ROBO1: variants seen among roughly 807,000 people sequenced by gnomAD.
ROBO1 encodes the protein roundabout guidance receptor 1.
Under a neutral mutation model 195.9 loss-of-function variants are expected in ROBO1, and 149 were observed. The observed-to-expected ratio is 0.76, with a 90% CI of 0.67 to 0.87. ROBO1 has a LOEUF of 0.87. ROBO1 is among the 40% of genes least tolerant of loss of function. The pLI, the probability that ROBO1 is intolerant of heterozygous loss-of-function variation, is 0.00. For synonymous variants in ROBO1, 816 were observed against 733.2 expected (o/e 1.11, Z -1.82); for missense variants, 1,933 against 2,068.3 (o/e 0.93, Z 1.27).
At chr3:79,421,389 AAAAG>A (rs1363970733) in intron 2 of ROBO1, among the ~76,000 whole-genome samples, 2 of 152,094 alleles carry the variant, frequency 1.3e-5, no homozygotes, top group African/African-American at 4.8e-5. Flanking sequence ...TTAAAAAAAA[AAAAG>A]AGAGACCTTA....
intron 2 of ROBO1, among the ~76,000 whole-genome samples, chr3:79,412,504 A>G (rs1051350306): frequency 1.3e-5 from 2 of 152,156 alleles, no homozygotes; most frequent in African/African-American, 4.8e-5. Context: ...ACTTCATTTC[A>G]AACAGAGGTG....
At chr3:79,460,550 C>G (rs903068748) in intron 2 of ROBO1, among the ~76,000 whole-genome samples, 1 of 152,056 alleles carries the variant, frequency 6.6e-6, no homozygotes, top group African/African-American at 2.4e-5. Flanking sequence ...ATTTATAGAT[C>G]TGAGAGAGAA....
chr3:79,383,383 CAAAAT>C (rs1170636209), intron 2 of ROBO1, among the ~76,000 whole-genome samples: 1 of 151,682 alleles, frequency 6.6e-6, no homozygotes, highest in Non-Finnish European at 1.5e-5. Flanking sequence ...TTAAAACTGT[CAAAAT>C]AAATTGTTTG....
chr3:79,389,762 G>T (rs995705548), intron 2 of ROBO1, among the ~76,000 whole-genome samples: 4 of 152,086 alleles, frequency 2.6e-5, no homozygotes, highest in Non-Finnish European at 5.9e-5. Context: ...TATGTAACTA[G>T]TTTGTTGGAA....
At chr3:78,822,171 A>T (rs1409244891) in intron 4 of ROBO1, among the ~76,000 whole-genome samples, 1 of 152,024 alleles carries the variant, frequency 6.6e-6, no homozygotes, top group East Asian at 1.9e-4. Context: ...ATTCACAGGA[A>T]CCTATATGCA....
intron 2 of ROBO1, among the ~76,000 whole-genome samples, chr3:79,188,177 T>C (rs2081474753): frequency 6.6e-6 from 1 of 151,928 alleles, no homozygotes; most frequent in African/African-American, 2.4e-5. Context: ...GAAATTGTGT[T>C]TGGCTTCGTA....
At chr3:79,209,031 G>T (rs942485803) in intron 2 of ROBO1, among the ~76,000 whole-genome samples, 1 of 151,576 alleles carries the variant, frequency 6.6e-6, no homozygotes, top group Non-Finnish European at 1.5e-5. Context: ...CAATAGTTTT[G>T]GGGGGAACAG....
At chr3:78,909,234 T>A (rs1354850108) in intron 4 of ROBO1, among the ~76,000 whole-genome samples, 1 of 151,816 alleles carries the variant, frequency 6.6e-6, no homozygotes, top group Non-Finnish European at 1.5e-5. Flanking sequence ...TCAAAGATAT[T>A]CTTCTTTAAA....
At chr3:78,771,431 G>T (rs2083372935) in intron 4 of ROBO1, among the ~76,000 whole-genome samples, 1 of 152,192 alleles carries the variant, frequency 6.6e-6, no homozygotes, top group South Asian at 2.1e-4. Flanking sequence ...GTTCTGTGAA[G>T]AATGACATTG....
intron 2 of ROBO1, among the ~76,000 whole-genome samples, chr3:79,583,647 T>C (rs1943727694): frequency 6.6e-6 from 1 of 151,988 alleles, no homozygotes; most frequent in Admixed American, 6.6e-5. Context: ...TTAAACAAAA[T>C]GTAGCATAAA....
intron 5 of ROBO1, among the ~76,000 whole-genome samples, chr3:78,733,449 A>C (rs774524435): frequency 9.9e-5 from 15 of 152,118 alleles, no homozygotes; most frequent in African/African-American, 1.4e-4. Context: ...ACAGAAAGAA[A>C]AAAATGCCGT....
At chr3:79,613,783 C>A (rs1944737880) in intron 1 of ROBO1, among the ~76,000 whole-genome samples, 1 of 151,886 alleles carries the variant, frequency 6.6e-6, no homozygotes. Flanking sequence ...GTGAAACACA[C>A]AATAAATATA....
At chr3:79,664,910 G>C (rs1033733659) in intron 1 of ROBO1, among the ~76,000 whole-genome samples, 2 of 151,924 alleles carry the variant, frequency 1.3e-5, no homozygotes, top group Non-Finnish European at 2.9e-5. Flanking sequence ...CCTGGGCGGA[G>C]AATATTAGAT....
chr3:79,204,336 T>C (rs1482151814), intron 2 of ROBO1, among the ~76,000 whole-genome samples: 1 of 152,132 alleles, frequency 6.6e-6, no homozygotes, highest in Non-Finnish European at 1.5e-5. Flanking sequence ...ACTGTACAGA[T>C]AAAAGTATGC....
intron 2 of ROBO1, among the ~76,000 whole-genome samples, chr3:79,325,189 C>A (rs191846625): frequency 6.6e-6 from 1 of 152,248 alleles, no homozygotes; most frequent in Admixed American, 6.5e-5. Flanking sequence ...CTTGAATGTG[C>A]AAATTTGGGC....
At chr3:78,855,106 C>T (rs1339030120) in intron 4 of ROBO1, among the ~76,000 whole-genome samples, 1 of 151,774 alleles carries the variant, frequency 6.6e-6, no homozygotes, top group Non-Finnish European at 1.5e-5. Context: ...CCTGGGGACA[C>T]ACAGAGTGTC....
chr3:79,266,167 C>G (rs1208994935), intron 2 of ROBO1, among the ~76,000 whole-genome samples: 1 of 151,490 alleles, frequency 6.6e-6, no homozygotes, highest in East Asian at 1.9e-4. Flanking sequence ...CACACATCTG[C>G]TTTTTTCCAC....
intron 2 of ROBO1, among the ~76,000 whole-genome samples, chr3:79,372,268 A>T (rs1376259976): frequency 6.7e-6 from 1 of 149,608 alleles, no homozygotes; most frequent in African/African-American, 2.5e-5. Context: ...GTGCAGGAGC[A>T]CGATCTCAGT....
intron 2 of ROBO1, among the ~76,000 whole-genome samples, chr3:79,496,666 C>G (rs967718139): frequency 1.3e-5 from 2 of 150,210 alleles, no homozygotes; most frequent in African/African-American, 4.9e-5. Flanking sequence ...GGATTACAGG[C>G]GTGAGCCACC....
Sources: gnomAD v4.1 joint callset for allele counts (sites outside exome capture counted in the v4.1 genomes callset) on GRCh38, gnomAD v4.1.1 for gene constraint, MANE v1.5 for transcripts, NCBI Gene and HGNC (gene_info 2026-07-23, HGNC 2026-07-21) for gene names.